Variants in U2SURP observed in about 807,000 individuals in gnomAD.
U2SURP encodes the protein U2 snRNP-associated SURP motif-containing protein.
Under a neutral mutation model 144.9 loss-of-function variants are expected in U2SURP, and 9 were observed. The ratio of observed to expected loss-of-function variants is 0.06; its 90% CI spans 0.04 to 0.11. The LOEUF (loss-of-function observed/expected upper bound fraction) is 0.11. U2SURP is among the 10% of genes least tolerant of loss of function. U2SURP has a pLI of 1.00. For missense variants in U2SURP, 724 were observed against 1,226.7 expected (o/e 0.59, Z 6.12); for synonymous variants, 408 against 396.8 (o/e 1.03, Z -0.33).
chr3:143,051,710 G>A (rs1219381481), intron 25 of U2SURP, among the ~76,000 whole-genome samples: 2 of 150,890 alleles, frequency 1.3e-5, no homozygotes, highest in Non-Finnish European at 3.0e-5. Flanking sequence ...AGCTGTTAAT[G>A]TACAAAACGT....
chr3:143,018,441 A>G (rs1936482545), intron 6 of U2SURP, among the ~76,000 whole-genome samples: 1 of 152,142 alleles, frequency 6.6e-6, no homozygotes, highest in Admixed American at 6.5e-5. Context: ...TTATCCATGC[A>G]TTACTTAGTA....
intron 24 of U2SURP, among the ~76,000 whole-genome samples, chr3:143,050,147 C>T (rs1204804042): frequency 1.3e-5 from 2 of 151,958 alleles, no homozygotes; most frequent in Admixed American, 6.5e-5. Context: ...CATCTCGGCT[C>T]ACCGCAACCT....
intron 1 of U2SURP, 24 bp from the exon 2 acceptor site, chr3:143,010,791 G>T: frequency 6.3e-7 from 1 of 1,582,060 alleles, no homozygotes; most frequent in South Asian, 1.1e-5. Flanking sequence ...TTAAATTATT[G>T]ACTTTTATTT....
chr3:143,055,916 T>A (rs942530053), intron 27 of U2SURP, among the ~76,000 whole-genome samples: 1 of 152,198 alleles, frequency 6.6e-6, no homozygotes, highest in East Asian at 1.9e-4. Flanking sequence ...CTGTGTTTTT[T>A]AAATTTTGTG....
chr3:143,024,652 T>C, intron 13 of U2SURP: 1 of 251,906 alleles, frequency 4.0e-6, no homozygotes, highest in Non-Finnish European at 8.0e-6. Context: ...TCAGTCAAGC[T>C]AAGCCTTTTC....
chr3:143,012,501 A>G (rs187961177), intron 3 of U2SURP, 148 bp downstream of exon 3: 3 of 684,336 alleles, frequency 4.4e-6, no homozygotes, highest in East Asian at 3.2e-5. Flanking sequence ...TATTTGGGAT[A>G]ACAGTAAACT....
intron 1 of U2SURP, among the ~76,000 whole-genome samples, chr3:143,003,878 G>A (rs144682517): frequency 0.013 from 2,004 of 151,940 alleles, 45 homozygotes; most frequent in African/African-American, 0.046. Flanking sequence ...TTTTAGTAGA[G>A]ACGGGGTTTC....
chr3:143,021,358 C>G lies in U2SURP; in HGVS notation c.742C>G (p.Pro248Ala). ...SDGQRRSMDAPSRRNRSSGVL... is the reference protein window; with the variant it reads ...SDGQRRSMDAASRRNRSSGVL... The stretch of plus-strand genomic sequence containing the variant: ...CTTTTCTCCCCTTTAAGTGGACGCG[C>G]CTTCAAGAAGAAATAGATCATCTGG... Residue 248 changes from proline (P) to alanine (A), a missense_variant, in exon 9 of 28, where the codon CCT (proline) becomes GCT (alanine). This residue lies in a region of U2SURP where 115 missense variants were observed against 258.1 expected (regional missense o/e 0.45). Transcript: ENST00000473835. 6.3e-7 allele frequency: 1 copy of G among 1,597,814 alleles called. No homozygotes were observed. Among genetic ancestry groups the G allele is most frequent in the Non-Finnish European group, 8.5e-7 (1 of 1,170,994 alleles).
At chr3:143,022,815 G>T in intron 11 of U2SURP, 38 bp from the exon 12 acceptor site, 1 of 1,493,338 alleles carries the variant, frequency 6.7e-7, no homozygotes, top group South Asian at 1.4e-5. Context: ...GGAAACTTTT[G>T]AGAGTTAACA....
intron 23 of U2SURP, among the ~76,000 whole-genome samples, chr3:143,040,791 T>C (rs1186258886): frequency 2.6e-5 from 4 of 151,986 alleles, no homozygotes; most frequent in Admixed American, 2.0e-4. Context: ...ATATTTTAAA[T>C]CATGAATAGA....
At chr3:143,008,107 GCT>G (rs1935937585) in intron 1 of U2SURP, among the ~76,000 whole-genome samples, 1 of 152,208 alleles carries the variant, frequency 6.6e-6, no homozygotes, top group Non-Finnish European at 1.5e-5. Context: ...TGCTGTTACT[GCT>G]CTGTTTGCAA....
rs535520697 is a variant in U2SURP, at chr3:143,015,759, A to G, written c.322-498A>G. 8.5e-5 allele frequency among the ~76,000 whole-genome samples: 13 copies of G among 152,200 alleles called. No homozygotes were observed. In the South Asian group the frequency reaches 2.7e-3, roughly 32 times the overall value. On this transcript the variant is annotated intron_variant, in intron 4 of 27. Coordinates refer to ENST00000473835, the MANE Select transcript of U2SURP (RefSeq NM_001080415.2). ...TCATACATGTTTTGGGGACATTTAGAATAATTGAAAATATCAAGATTCTTC... is the reference window on the plus strand; with the variant it reads ...TCATACATGTTTTGGGGACATTTAGGATAATTGAAAATATCAAGATTCTTC...
At chr3:143,053,245 G>T (rs1934979060) in intron 25 of U2SURP, among the ~76,000 whole-genome samples, 1 of 152,084 alleles carries the variant, frequency 6.6e-6, no homozygotes, top group South Asian at 2.1e-4. Context: ...GTGGGACAGT[G>T]GGGGAAGAGC....
rs193238734 is a variant in U2SURP at position 143,011,931 on chromosome 3, C to T, written c.91-291C>T. On this transcript the variant is annotated intron_variant, in intron 2 of 27. Transcript: ENST00000473835. ...GACAGGCAAACTATGGTGAATCAGA[C>T]TTGGGGATTTTGGCAGACATTTTCT... 2.0e-3 allele frequency: 1,016 copies of T among 520,632 alleles called. 9 individuals carry two copies. Among genetic ancestry groups the T allele is most frequent in the African/African-American group, 0.017 (913 of 52,662 alleles). The allele number at this position is 520,632 out of a possible 1,614,324, so 32.3% of individuals were successfully genotyped here.
chr3:143,032,613 A>G (rs771982041), intron 16 of U2SURP, among the ~76,000 whole-genome samples, 171 bp from the exon 17 acceptor site: 5 of 152,210 alleles, frequency 3.3e-5, no homozygotes, highest in Non-Finnish European at 7.3e-5. Context: ...TAAATTCTTC[A>G]AAAAATTGTA....
chr3:143,019,263 G>A (rs1936521763), intron 6 of U2SURP, among the ~76,000 whole-genome samples: 1 of 152,034 alleles, frequency 6.6e-6, no homozygotes, highest in Non-Finnish European at 1.5e-5. Context: ...GAAGCATGGA[G>A]GTTTTAAACT....
At chr3:143,035,076 A>C (rs1465906961) in intron 19 of U2SURP, 101 bp downstream of exon 19, 3 of 563,322 alleles carry the variant, frequency 5.3e-6, no homozygotes, top group Non-Finnish European at 8.8e-6. Context: ...TGAGACATAA[A>C]TTTAAAACTT....
intron 1 of U2SURP, among the ~76,000 whole-genome samples, chr3:143,005,391 T>C (rs1935783476): frequency 6.6e-6 from 1 of 152,246 alleles, no homozygotes; most frequent in Non-Finnish European, 1.5e-5. Context: ...CCTGAAAGTT[T>C]ATGAAAAAGT....
chr3:143,020,059 T>G, intron 7 of U2SURP, 23 bp downstream of exon 7: 2 of 1,407,200 alleles, frequency 1.4e-6, no homozygotes, highest in Non-Finnish European at 1.9e-6. Context: ...GTGTGGAGAA[T>G]AACTATCATA....
Sources: allele counts gnomAD v4.1 joint callset (sites outside exome capture counted in the v4.1 genomes callset), GRCh38; gene constraint gnomAD v4.1.1; regional missense constraint gnomAD v4.1.1; transcripts MANE v1.5; gene names NCBI Gene and HGNC (gene_info 2026-07-23, HGNC 2026-07-21).